Variants in COL25A1 observed in about 807,000 individuals in gnomAD.
COL25A1 encodes collagen type XXV alpha 1 chain, also known as collagen alpha-1(XXV) chain.
Under a neutral mutation model 128.4 loss-of-function variants are expected in COL25A1, and 103 were observed. The observed-to-expected ratio is 0.80, with a 90% CI of 0.68 to 0.94. COL25A1 has a LOEUF of 0.94. COL25A1 is among the 40% of genes least tolerant of loss of function. The probability of loss-of-function intolerance (pLI) is 0.00; values close to 1 mark genes in which losing one functional copy is unlikely to be tolerated. For synonymous variants in COL25A1, 279 were observed against 277.2 expected, an observed-to-expected ratio of 1.01 and a Z score of -0.06; for missense variants, 745 against 840.0, an observed-to-expected ratio of 0.89 and a Z score of 1.40.
chr4:108,845,869 G>T (rs997993693), intron 28 of COL25A1, among the ~76,000 whole-genome samples: 1 of 151,964 alleles, frequency 6.6e-6, no homozygotes, highest in African/African-American at 2.4e-5. Flanking sequence ...CTAAATTAAA[G>T]TGGCCAACTA....
At chr4:108,844,657 G>C (rs1734871601) in intron 29 of COL25A1, 88 bp from the exon 30 acceptor site, 1 of 1,513,276 alleles carries the variant, frequency 6.6e-7, no homozygotes, top group East Asian at 2.3e-5. Context: ...TTCTGCTAAG[G>C]CCATTAGTAG....
intron 20 of COL25A1, 146 bp downstream of exon 20, chr4:108,868,942 A>C (rs373699696): frequency 8.9e-6 from 5 of 560,620 alleles, no homozygotes; most frequent in East Asian, 6.5e-5. Context: ...GAAGGAAAGA[A>C]AGAAAAGAAA....
chr4:108,868,575 G>GAA (rs1420233871), intron 20 of COL25A1, among the ~76,000 whole-genome samples: 29 of 97,910 alleles, frequency 3.0e-4, no homozygotes, highest in African/African-American at 1.1e-3. Flanking sequence ...GAAAGAGAGA[G>GAA]AGAAAGAAGG....
At chr4:108,919,994 T>C (rs913672584) in intron 12 of COL25A1, among the ~76,000 whole-genome samples, 8 of 152,164 alleles carry the variant, frequency 5.3e-5, no homozygotes, top group Non-Finnish European at 1.0e-4. Context: ...ACTCTTGACC[T>C]CAGGTGATCC....
At chr4:108,976,895 C>A (rs1181544582) in intron 6 of COL25A1, among the ~76,000 whole-genome samples, 2 of 152,166 alleles carry the variant, frequency 1.3e-5, no homozygotes, top group African/African-American at 2.4e-5. Context: ...GAAACTTTTT[C>A]ACCTGTTATT....
chr4:109,117,356 A>C (rs185844269), intron 3 of COL25A1, among the ~76,000 whole-genome samples: 2 of 152,152 alleles, frequency 1.3e-5, no homozygotes, highest in East Asian at 3.9e-4. Context: ...AGTAGAGGGA[A>C]ATATTTAAAG....
At chr4:109,036,148 C>G (rs918565050) in intron 5 of COL25A1, among the ~76,000 whole-genome samples, 1 of 151,964 alleles carries the variant, frequency 6.6e-6, no homozygotes, top group Non-Finnish European at 1.5e-5. Context: ...AGGATGGTCT[C>G]GATCTCCTGA....
At chr4:109,102,722 T>G (rs1766017678) in intron 3 of COL25A1, among the ~76,000 whole-genome samples, 1 of 152,170 alleles carries the variant, frequency 6.6e-6, no homozygotes, top group Non-Finnish European at 1.5e-5. Context: ...GTCCCCTTGA[T>G]GAAATGACCC....
intron 3 of COL25A1, among the ~76,000 whole-genome samples, chr4:109,131,987 G>A (rs6820892): frequency 0.011 from 1,642 of 152,272 alleles, 53 homozygotes; most frequent in South Asian, 0.098. Flanking sequence ...TAGAGATAAG[G>A]GCCCCTCAGT....
At position 109,006,378 on chromosome 4, in the gene COL25A1, A is replaced by ATTTTTTTTTTTTTTTTT. The variant is rs56845799; in HGVS notation, c.438+3963_438+3979dup. On this transcript the variant is annotated intron_variant, in intron 6 of 37. Coordinates refer to ENST00000399132, the MANE Select transcript of COL25A1 (RefSeq NM_198721.4). ...AGGTGTGCACTGCCACACCCAGCTA[A>ATTTTTTTTTTTTTTTTT]TTTTTTTTTTTTTTTTTTTTTTTTT... Among the ~76,000 whole-genome samples, 8 of 51,874 alleles carry ATTTTTTTTTTTTTTTTT rather than the reference A, an allele frequency of 1.5e-4. 1 individual carries two copies. The highest frequency in any genetic ancestry group is 1.9e-4 in the Non-Finnish European group (6 of 30,998). The allele number at this position is 51,874 out of a possible 152,430, so 34.0% of individuals were successfully genotyped here.
At chr4:108,885,431 C>G (rs556456437) in intron 18 of COL25A1, among the ~76,000 whole-genome samples, 1 of 152,098 alleles carries the variant, frequency 6.6e-6, no homozygotes, top group South Asian at 2.1e-4. Flanking sequence ...AAAAGAAAAA[C>G]GATTCTGTCT....
chr4:109,005,906 T>C lies in COL25A1; in HGVS notation c.438+4452A>G, dbSNP rs1285648572. Among the ~76,000 whole-genome samples, 3 of 152,176 alleles carry C rather than the reference T, an allele frequency of 2.0e-5. No individual in the cohort carries two copies. In the South Asian group the frequency reaches 6.2e-4, roughly 32 times the overall value. ...GAGAGGAACAGAATTATCAGGCCAGTTATGTTGAATTGTACATAAATAACA... is the reference window on the plus strand; with the variant it reads ...GAGAGGAACAGAATTATCAGGCCAGCTATGTTGAATTGTACATAAATAACA... On this transcript the variant is annotated intron_variant, in intron 6 of 37. Transcript: ENST00000399132.
intron 36 of COL25A1, among the ~76,000 whole-genome samples, 193 bp from the exon 37 acceptor site, chr4:108,817,628 AGAGT>A (rs1731365710): frequency 6.6e-6 from 1 of 152,228 alleles, no homozygotes; most frequent in African/African-American, 2.4e-5. Flanking sequence ...AATGTTTTCC[AGAGT>A]GAGTACACAT....
At chr4:108,851,372 T>C (rs1735760666) in intron 26 of COL25A1, among the ~76,000 whole-genome samples, 1 of 152,080 alleles carries the variant, frequency 6.6e-6, no homozygotes, top group Admixed American at 6.6e-5. Context: ...GATAGAAAAA[T>C]AAAGTTTCTA....
chr4:109,277,252 A>C (rs1722935096), intron 3 of COL25A1, among the ~76,000 whole-genome samples: 2 of 152,220 alleles, frequency 1.3e-5, no homozygotes, highest in Admixed American at 1.3e-4. Flanking sequence ...AATAGAATTT[A>C]GGAACTCTGT....
intron 8 of COL25A1, among the ~76,000 whole-genome samples, chr4:108,972,370 T>C (rs1752004321): frequency 6.6e-6 from 1 of 152,162 alleles, no homozygotes; most frequent in East Asian, 1.9e-4. Context: ...AATTGGAAAC[T>C]TTTCCAGTTC....
chr4:109,091,255 C>T (rs1176596633), intron 3 of COL25A1, among the ~76,000 whole-genome samples: 2 of 152,124 alleles, frequency 1.3e-5, no homozygotes, highest in East Asian at 3.9e-4. Context: ...CCCTACACCT[C>T]CAAAAGGTGT....
intron 19 of COL25A1, among the ~76,000 whole-genome samples, chr4:108,880,343 A>G (rs944002185): frequency 2.0e-5 from 3 of 152,190 alleles, no homozygotes; most frequent in Admixed American, 6.5e-5. Context: ...TGTTTGGAGA[A>G]AAAGCAGGTG....
At chr4:108,982,851 G>A (rs1390293549) in intron 6 of COL25A1, among the ~76,000 whole-genome samples, 1 of 152,142 alleles carries the variant, frequency 6.6e-6, no homozygotes, top group Non-Finnish European at 1.5e-5. Context: ...TCTGAGCCCT[G>A]AACAAGGGAC....
Sources: gnomAD v4.1 joint callset for allele counts (sites outside exome capture counted in the v4.1 genomes callset) on GRCh38, gnomAD v4.1.1 for gene constraint, MANE v1.5 for transcripts, NCBI Gene and HGNC (gene_info 2026-07-23, HGNC 2026-07-21) for gene names.